Variants in DEUP1 observed in about 807,000 individuals in gnomAD.
DEUP1 encodes the protein deuterosome assembly protein 1, also known as coiled-coil domain containing 67.
DEUP1 carries 82 observed loss-of-function variants against 87.4 expected under a neutral mutation model. That is an observed-to-expected ratio of 0.94 (90% confidence interval 0.78 to 1.13). The LOEUF (loss-of-function observed/expected upper bound fraction) is 1.13, where lower values mean the gene tolerates loss of function less well. DEUP1 is among the 50% of genes most tolerant of loss of function. DEUP1 has a pLI of 0.00. For synonymous variants in DEUP1, 214 were observed against 222.7 expected, an observed-to-expected ratio of 0.96 and a Z score of 0.35; for missense variants, 663 against 681.5, an observed-to-expected ratio of 0.97 and a Z score of 0.30.
At chr11:93,372,916 A>G (rs1385249507) in intron 7 of DEUP1, among the ~76,000 whole-genome samples, 1 of 152,214 alleles carries the variant, frequency 6.6e-6, no homozygotes, top group African/African-American at 2.4e-5. Context: ...AGTGCTTAGC[A>G]TCAGCCCACC....
chr11:93,404,223 T>C (rs574148013), intron 11 of DEUP1, among the ~76,000 whole-genome samples: 56 of 152,176 alleles, frequency 3.7e-4, no homozygotes, highest in African/African-American at 1.2e-3. Flanking sequence ...GGACGTAGAA[T>C]AGTGGAGAAA....
chr11:93,408,058 T>G (rs1199838154), intron 11 of DEUP1, among the ~76,000 whole-genome samples, 173 bp from the exon 12 acceptor site: 1 of 152,018 alleles, frequency 6.6e-6, no homozygotes, highest in African/African-American at 2.4e-5. Context: ...GGTATCTGCT[T>G]GTTGTGAGGA....
intron 5 of DEUP1, among the ~76,000 whole-genome samples, chr11:93,365,176 T>G: frequency 6.6e-6 from 1 of 152,094 alleles, no homozygotes; most frequent in East Asian, 1.9e-4. Flanking sequence ...TAAAAAGTCC[T>G]TCTACTTTAA....
intron 7 of DEUP1, among the ~76,000 whole-genome samples, chr11:93,380,408 G>C (rs570460202): frequency 1.3e-5 from 2 of 151,750 alleles, no homozygotes; most frequent in Non-Finnish European, 2.9e-5. Flanking sequence ...GTTTTGTTTT[G>C]TTTTGTTTTT....
intron 5 of DEUP1, among the ~76,000 whole-genome samples, chr11:93,369,259 T>A (rs1277866886): frequency 6.6e-6 from 1 of 152,148 alleles, no homozygotes. Context: ...CCCCATTTCA[T>A]AATGCTGTCA....
chr11:93,413,860 A>G (rs1258909266), intron 12 of DEUP1, among the ~76,000 whole-genome samples: 2 of 152,318 alleles, frequency 1.3e-5, no homozygotes, highest in Middle Eastern at 3.4e-3. Context: ...CTAGCAATTT[A>G]TTCTGATTTA....
chr11:93,430,907 C>A (rs926374268), intron 13 of DEUP1, among the ~76,000 whole-genome samples: 1 of 151,940 alleles, frequency 6.6e-6, no homozygotes, highest in Non-Finnish European at 1.5e-5. Context: ...ACCAGGCTGG[C>A]CAACATGGTG....
At chr11:93,354,027 A>G (rs1163394850) in intron 2 of DEUP1, among the ~76,000 whole-genome samples, 1 of 152,116 alleles carries the variant, frequency 6.6e-6, no homozygotes, top group Non-Finnish European at 1.5e-5. Flanking sequence ...TTTCTTTTCT[A>G]CTGCATCATC....
intron 3 of DEUP1, 121 bp downstream of exon 3, chr11:93,355,663 T>G (rs1288319106): frequency 1.2e-6 from 1 of 859,438 alleles, no homozygotes; most frequent in Non-Finnish European, 1.7e-6. Context: ...ATTTATTGCT[T>G]GAAATTCTGT....
chr11:93,346,377 C>G (rs557794692), intron 2 of DEUP1, among the ~76,000 whole-genome samples: 2 of 152,296 alleles, frequency 1.3e-5, no homozygotes, highest in South Asian at 2.1e-4. Flanking sequence ...GTGCACATCA[C>G]CATGCCCAGC....
intron 2 of DEUP1, among the ~76,000 whole-genome samples, chr11:93,350,442 G>C (rs915511159): frequency 6.6e-6 from 1 of 152,142 alleles, no homozygotes; most frequent in African/African-American, 2.4e-5. Context: ...ACACATTACT[G>C]TCTAGCTACA....
chr11:93,331,158 GCT>G (rs946069418), intron 1 of DEUP1, among the ~76,000 whole-genome samples: 3 of 122,204 alleles, frequency 2.5e-5, no homozygotes, highest in African/African-American at 8.9e-5. Flanking sequence ...GCTCCTCTCC[GCT>G]CTGTCTCTCT....
At chr11:93,364,045 T>C (rs1224387419) in intron 4 of DEUP1, 115 bp from the exon 5 acceptor site, 1 of 744,484 alleles carries the variant, frequency 1.3e-6, no homozygotes, top group Non-Finnish European at 2.2e-6. Context: ...TAAGCTTTAC[T>C]GCACTTTCTA....
At chr11:93,371,516 G>C (rs1053468772) in intron 7 of DEUP1, among the ~76,000 whole-genome samples, 1 of 152,120 alleles carries the variant, frequency 6.6e-6, no homozygotes, top group African/African-American at 2.4e-5. Flanking sequence ...TGTATTACCA[G>C]TGCAATATAA....
chr11:93,332,319 T>A lies in DEUP1; in HGVS notation c.29+31T>A, dbSNP rs1057474750. On this transcript the variant is annotated intron_variant, in intron 2 of 13. Coordinates refer to ENST00000298050, the MANE Select transcript of DEUP1 (RefSeq NM_181645.4). The stretch of plus-strand genomic sequence containing the variant: ...TGCTGAGAAATTTCTGTTTAATAAG[T>A]ATGTGCTTAACTGTGCCAAAAACTT... The A allele has an allele frequency of 4.4e-6, 7 of 1,589,814 alleles. No individual in the cohort carries two copies. In the African/African-American group the frequency reaches 9.4e-5, roughly 21 times the overall value.
intron 7 of DEUP1, chr11:93,383,746 T>C (rs1183705462): frequency 1.1e-5 from 5 of 460,690 alleles, no homozygotes; most frequent in Non-Finnish European, 1.9e-5. Flanking sequence ...TTCTATAGCC[T>C]TTACTAGCAG....
chr11:93,396,203 T>G (rs968787403), intron 10 of DEUP1, 36 bp from the exon 11 acceptor site: 4 of 1,287,300 alleles, frequency 3.1e-6, no homozygotes, highest in Admixed American at 4.7e-5. Flanking sequence ...GTTTTTATTA[T>G]GAATTTTACA....
chr11:93,399,309 G>A (rs1293909501), intron 11 of DEUP1, among the ~76,000 whole-genome samples: 1 of 151,456 alleles, frequency 6.6e-6, no homozygotes. Flanking sequence ...AAATTTTTAT[G>A]TAAACATTAA....
At chr11:93,434,291 T>A (rs553006451) in intron 13 of DEUP1, among the ~76,000 whole-genome samples, 17 of 152,322 alleles carry the variant, frequency 1.1e-4, no homozygotes, top group African/African-American at 4.1e-4. Flanking sequence ...GCCTCACCCA[T>A]TCTAGATTCC....
Sources: gnomAD v4.1 joint callset for allele counts (sites outside exome capture counted in the v4.1 genomes callset) on GRCh38, gnomAD v4.1.1 for gene constraint, MANE v1.5 for transcripts, NCBI Gene and HGNC (gene_info 2026-07-23, HGNC 2026-07-21) for gene names.